Variants in ICE2 observed in about 807,000 individuals in gnomAD.
The protein encoded by ICE2 is interactor of little elongation complex ELL subunit 2.
A neutral mutation model predicts 105.4 loss-of-function variants in ICE2; 87 were observed. The ratio of observed to expected loss-of-function variants is 0.83; its 90% CI spans 0.69 to 0.99. The LOEUF (loss-of-function observed/expected upper bound fraction) is 0.99, where lower values mean the gene tolerates loss of function less well. Among genes scored for constraint, ICE2 ranks in the 50% least tolerant of loss-of-function variants. The pLI, the probability that ICE2 is intolerant of heterozygous loss-of-function variation, is 0.00. For missense variants in ICE2, 1,323 were observed against 1,146.7 expected (o/e 1.15, Z -2.22); for synonymous variants, 399 against 392.0 (o/e 1.02, Z -0.21).
chr15:60,475,459 C>T (rs1268229137), intron 3 of ICE2, among the ~76,000 whole-genome samples: 1 of 148,986 alleles, frequency 6.7e-6, no homozygotes, highest in Non-Finnish European at 1.5e-5. Flanking sequence ...TTTTAATTAC[C>T]AAAAAAAAAG....
chr15:60,427,708 C>A (rs541019137), intron 15 of ICE2, among the ~76,000 whole-genome samples: 3 of 152,264 alleles, frequency 2.0e-5, no homozygotes, highest in East Asian at 1.9e-4. Context: ...TGAGCCACTG[C>A]GCCCAGCCCA....
rs1199324082 is a variant in ICE2 at position 60,468,290 on chromosome 15, C to A, written c.179G>T (p.Ser60Ile). 6.2e-7 allele frequency: 1 copy of A among 1,608,824 alleles called. No homozygotes were observed. The highest frequency in any genetic ancestry group is 1.7e-5 in the Admixed American group (1 of 59,890). The change falls in exon 4 of 16, where the codon AGT becomes ATT. Residue 60 changes from serine to isoleucine, a missense_variant. Transcript: ENST00000261520. ...RIGENLNASA[S>I]SVENEPAVSS... Reference sequence around the variant, plus strand: ...AACTGCCGGCTCATTTTCTACAGAACTTGCTGAGGCATTCAAATTTTCTCC... The same window carrying A: ...AACTGCCGGCTCATTTTCTACAGAAATTGCTGAGGCATTCAAATTTTCTCC...
At chr15:60,445,014 G>C (rs1464090820) in intron 11 of ICE2, among the ~76,000 whole-genome samples, 1 of 152,108 alleles carries the variant, frequency 6.6e-6, no homozygotes, top group Non-Finnish European at 1.5e-5. Context: ...CATCACTTGA[G>C]ACTGGCTGAT....
In ICE2 at chr15:60,447,957, A is replaced by G; in HGVS notation, c.2295+13T>C. ...TATGTGATCATATTCTAACTCCGCA[A>G]ATAACAACTTACTCTTCTGATTTTC... On this transcript the variant is annotated intron_variant, in intron 11 of 15. Transcript: ENST00000261520. The G allele has an allele frequency of 6.2e-7, 1 of 1,600,928 alleles. No individual in the cohort carries two copies. Among genetic ancestry groups the G allele is most frequent in the Non-Finnish European group, 8.5e-7 (1 of 1,173,504 alleles).
In ICE2 at chr15:60,449,175, T is replaced by C; in HGVS notation, c.1792A>G (p.Asn598Asp). The C allele has an allele frequency of 6.2e-7, 1 of 1,614,128 alleles. No homozygotes were observed. The highest frequency in any genetic ancestry group is 8.5e-7 in the Non-Finnish European group (1 of 1,179,988). ...SDGKTAVVGS[N>D]LSSRPASPNS... is the part of the protein sequence containing the mutation. ...GGACTAGCTGGTCTGGAACTTAAGT[T>C]AGAACCCACAACAGCTGTCTTTCCA... The change falls in exon 10 of 16, where the codon AAC becomes GAC. Residue 598 changes from asparagine (N) to aspartate (D), a missense_variant. Physicochemically the swap from Asn to Asp is conservative, Grantham distance 23. Transcript: ENST00000261520.
intron 11 of ICE2, among the ~76,000 whole-genome samples, chr15:60,446,432 G>A (rs2063823754): frequency 6.6e-6 from 1 of 152,118 alleles, no homozygotes; most frequent in Non-Finnish European, 1.5e-5. Context: ...GTCTCACTCT[G>A]TTGCCCAGGC....
chr15:60,447,616 G>A (rs2063851250), intron 11 of ICE2: 1 of 164,928 alleles, frequency 6.1e-6, no homozygotes, highest in African/African-American at 2.4e-5. Context: ...AGTTTTGACT[G>A]GAGTTTGGCC....
intron 4 of ICE2, among the ~76,000 whole-genome samples, chr15:60,467,666 G>A (rs77234490): frequency 0.01 from 1,591 of 152,152 alleles, 29 homozygotes; most frequent in African/African-American, 0.037. Flanking sequence ...GTTTTGATCT[G>A]GCAGTTTTAA....
intron 11 of ICE2, among the ~76,000 whole-genome samples, chr15:60,443,946 A>G (rs2063771556): frequency 6.6e-6 from 1 of 152,000 alleles, no homozygotes; most frequent in Non-Finnish European, 1.5e-5. Flanking sequence ...ATTAAAAAAA[A>G]AAAAAATTAG....
chr15:60,432,893 A>AAAAACCAAAACC (rs765566758), intron 13 of ICE2, among the ~76,000 whole-genome samples: 1 of 152,048 alleles, frequency 6.6e-6, no homozygotes, highest in Non-Finnish European at 1.5e-5. Context: ...ATCCGCCTCA[A>AAAAACCAAAACC]AAAACCAAAA....
intron 15 of ICE2, among the ~76,000 whole-genome samples, chr15:60,427,006 C>A (rs1005546094): frequency 1.3e-5 from 2 of 152,198 alleles, no homozygotes; most frequent in Admixed American, 1.3e-4. Context: ...AAGTAACTTT[C>A]TCCATTCTTT....
intron 2 of ICE2, 88 bp downstream of exon 2, chr15:60,477,849 C>T: frequency 8.6e-7 from 1 of 1,165,744 alleles, no homozygotes; most frequent in African/African-American, 1.5e-5. Context: ...TCCTCCAAAT[C>T]TCTCTATGCC....
At chr15:60,464,113 A>T (rs1229482391) in intron 5 of ICE2, among the ~76,000 whole-genome samples, 7 of 152,212 alleles carry the variant, frequency 4.6e-5, no homozygotes, top group African/African-American at 1.4e-4. Flanking sequence ...TCTCAGAAAA[A>T]TATCAGTGAA....
At chr15:60,462,727 C>G (rs996720823) in intron 5 of ICE2, among the ~76,000 whole-genome samples, 1 of 152,124 alleles carries the variant, frequency 6.6e-6, no homozygotes, top group African/African-American at 2.4e-5. Flanking sequence ...GGCTCTCGCT[C>G]TCCCTCTCTC....
Position 60,476,099 on chromosome 15 carries a change from GC to G in ICE2, c.109del (p.Ala37LeufsTer4). The G allele has an allele frequency of 6.2e-7, 1 of 1,607,474 alleles. No individual in the cohort carries two copies. The highest frequency in any genetic ancestry group is 8.5e-7 in the Non-Finnish European group (1 of 1,177,326). On this transcript the variant is annotated frameshift_variant, in exon 3 of 16. Coordinates refer to ENST00000261520, the MANE Select transcript of ICE2 (RefSeq NM_024611.6). LOFTEE classifies it high-confidence loss of function. Reference protein sequence around the residue: ...SRENYKDHSMAPSLKELRVLS... With the variant: ...SRENYKDHSMXPSLKELRVLS... Reference sequence around the variant, plus strand: ...AACACGTAGTTCTTTTAAACTTGGAGCCATGGAATGATCTTTATAATTTTCT... The same window carrying G: ...AACACGTAGTTCTTTTAAACTTGGAGCATGGAATGATCTTTATAATTTTCT...
chr15:60,472,242 C>T (rs532826381), intron 3 of ICE2, among the ~76,000 whole-genome samples: 2 of 151,954 alleles, frequency 1.3e-5, no homozygotes, highest in African/African-American at 4.8e-5. Context: ...TCGAGTTGTT[C>T]TTTCATTTTA....
At chr15:60,442,104 G>A in intron 12 of ICE2, 1 of 199,114 alleles carries the variant, frequency 5.0e-6, no homozygotes, top group Non-Finnish European at 1.0e-5. Flanking sequence ...AGACCAGTCT[G>A]GCAATATAAT....
At chr15:60,459,957 T>G (rs1459959575) in intron 5 of ICE2, among the ~76,000 whole-genome samples, 1 of 152,184 alleles carries the variant, frequency 6.6e-6, no homozygotes, top group Non-Finnish European at 1.5e-5. Context: ...ATAATGGATG[T>G]AAATCACTAA....
Position 60,468,072 on chromosome 15 carries a change from A to T in ICE2, c.397T>A (p.Leu133Met), listed in dbSNP as rs2064479727. The change falls in exon 4 of 16, where the codon TTG (leucine) becomes ATG (methionine). Residue 133 changes from leucine to methionine, a missense_variant. Physicochemically the swap from Leu to Met is conservative, Grantham distance 15 (BLOSUM62 2). Transcript: ENST00000261520. The stretch of plus-strand genomic sequence containing the variant: ...AACACAATACATACCAAGTACTGCA[A>T]GTAGTCATTTTTATTTATTCCAACA... The part of the protein sequence containing the change: ...KAVGINKNDY[L>M]QYLDMKKHVN... 6.2e-7 allele frequency: 1 copy of T among 1,612,158 alleles called. No individual in the cohort carries two copies. The highest frequency in any genetic ancestry group is 1.1e-5 in the South Asian group (1 of 90,418).
Sources: allele counts gnomAD v4.1 joint callset (sites outside exome capture counted in the v4.1 genomes callset), GRCh38; gene constraint gnomAD v4.1.1; transcripts MANE v1.5; gene names NCBI Gene and HGNC (gene_info 2026-07-23, HGNC 2026-07-21).